Variants in KCNQ3 observed in about 807,000 individuals in gnomAD.
KCNQ3 encodes the protein potassium voltage-gated channel subfamily Q member 3.
Under a neutral mutation model 92.5 loss-of-function variants are expected in KCNQ3, and 30 were observed. The ratio of observed to expected loss-of-function variants is 0.32; its 90% CI spans 0.24 to 0.44. The LOEUF is 0.44. Ranked by LOEUF, KCNQ3 falls within the 20% of genes least tolerant of loss-of-function variation. The probability of loss-of-function intolerance (pLI) is 1.00; values close to 1 mark genes in which losing one functional copy is unlikely to be tolerated. For missense variants in KCNQ3, 913 were observed against 1,140.3 expected (o/e 0.80, Z 2.87); for synonymous variants, 450 against 468.8 (o/e 0.96, Z 0.52).
intron 9 of KCNQ3, among the ~76,000 whole-genome samples, chr8:132,156,028 A>C (rs1825787661): frequency 1.3e-5 from 2 of 152,104 alleles, no homozygotes; most frequent in African/African-American, 4.8e-5. Context: ...AGGATCTATG[A>C]GGATGATTCC....
At chr8:132,446,898 A>G (rs988434408) in intron 1 of KCNQ3, among the ~76,000 whole-genome samples, 2 of 152,260 alleles carry the variant, frequency 1.3e-5, no homozygotes, top group Non-Finnish European at 2.9e-5. Context: ...ACGAATTTAA[A>G]GCCAGAAGCA....
intron 1 of KCNQ3, among the ~76,000 whole-genome samples, chr8:132,279,857 T>C (rs998854586): frequency 6.6e-6 from 1 of 151,858 alleles, no homozygotes; most frequent in African/African-American, 2.4e-5. Context: ...TATATGCGTG[T>C]GTGTGTGTGT....
chr8:132,244,995 C>T (rs73708599), intron 1 of KCNQ3, among the ~76,000 whole-genome samples: 14,269 of 150,060 alleles, frequency 0.095, 736 homozygotes, highest in Admixed American at 0.15. Context: ...TATTTTCAGT[C>T]AGCATTTCTT....
intron 9 of KCNQ3, among the ~76,000 whole-genome samples, chr8:132,151,331 T>A (rs1293598386): frequency 2.0e-5 from 3 of 152,222 alleles, no homozygotes; most frequent in Non-Finnish European, 2.9e-5. Context: ...GTAAGAACAG[T>A]AAAATGTGTT....
chr8:132,355,712 C>A (rs1474525563), intron 1 of KCNQ3, among the ~76,000 whole-genome samples: 2 of 152,184 alleles, frequency 1.3e-5, no homozygotes, highest in African/African-American at 4.8e-5. Context: ...TTTGAACCTG[C>A]CCATCACATG....
intron 1 of KCNQ3, among the ~76,000 whole-genome samples, chr8:132,455,312 G>A (rs796281299): frequency 2.6e-5 from 4 of 152,192 alleles, no homozygotes; most frequent in African/African-American, 9.6e-5. Flanking sequence ...TCACCATGTT[G>A]GCCAGGCTAG....
chr8:132,167,887 A>C (rs927192434), intron 8 of KCNQ3, among the ~76,000 whole-genome samples: 1 of 152,214 alleles, frequency 6.6e-6, no homozygotes, highest in African/African-American at 2.4e-5. Context: ...TTCTTGTTTG[A>C]GTTCAAGGTC....
At chr8:132,368,708 A>C (rs1330953382) in intron 1 of KCNQ3, among the ~76,000 whole-genome samples, 1 of 152,210 alleles carries the variant, frequency 6.6e-6, no homozygotes, top group Non-Finnish European at 1.5e-5. Flanking sequence ...AAAAATAAAA[A>C]ATAGCACTAC....
chr8:132,227,718 A>G (rs1364239704), intron 1 of KCNQ3, among the ~76,000 whole-genome samples: 1 of 152,216 alleles, frequency 6.6e-6, no homozygotes. Context: ...AAAAATCCAT[A>G]GTCCATCTCA....
chr8:132,237,433 G>A (rs750622439), intron 1 of KCNQ3, among the ~76,000 whole-genome samples: 12 of 152,168 alleles, frequency 7.9e-5, no homozygotes, highest in Non-Finnish European at 1.8e-4. Flanking sequence ...TGCAGCTGAA[G>A]ATATTTAGGA....
intron 1 of KCNQ3, among the ~76,000 whole-genome samples, chr8:132,187,774 ATAGTGATGGTGGTGG>A (rs1827025466): frequency 7.8e-6 from 1 of 127,978 alleles, no homozygotes; most frequent in Non-Finnish European, 1.7e-5. Flanking sequence ...GGTGGTAGTG[ATAGTGATGGTGGTGG>A]CGGTGGTGGT....
intron 1 of KCNQ3, among the ~76,000 whole-genome samples, chr8:132,469,570 G>A (rs1162877579): frequency 6.6e-6 from 1 of 152,062 alleles, no homozygotes; most frequent in Non-Finnish European, 1.5e-5. Context: ...TCTAAAAAGG[G>A]TTTTTATTCA....
At chr8:132,257,442 G>T (rs1213219670) in intron 1 of KCNQ3, among the ~76,000 whole-genome samples, 1 of 151,976 alleles carries the variant, frequency 6.6e-6, no homozygotes, top group Non-Finnish European at 1.5e-5. Flanking sequence ...GAAGAATTTA[G>T]AAAAATAAGA....
chr8:132,152,806 G>T (rs936779034), intron 9 of KCNQ3, among the ~76,000 whole-genome samples: 2 of 152,180 alleles, frequency 1.3e-5, no homozygotes, highest in Non-Finnish European at 2.9e-5. Flanking sequence ...CCATGGCTGG[G>T]CTCTGCTTTA....
Position 132,356,064 on chromosome 8 carries a change from T to C in KCNQ3, c.386+124083A>G, listed in dbSNP as rs976979356. 3.9e-5 allele frequency among the ~76,000 whole-genome samples: 6 copies of C among 152,220 alleles called. No homozygotes were observed. In the East Asian group the frequency reaches 1.2e-3, roughly 29 times the overall value. Reference sequence around the variant, plus strand: ...GATAAGCATGCTACTTCTCTGAGCCTCAGTTTTCTCATCTATAAAAATGGT... The same window carrying C: ...GATAAGCATGCTACTTCTCTGAGCCCCAGTTTTCTCATCTATAAAAATGGT... On this transcript the variant is annotated intron_variant, in intron 1 of 14. Transcript: ENST00000388996.
intron 1 of KCNQ3, among the ~76,000 whole-genome samples, chr8:132,245,813 C>T (rs1197566647): frequency 6.6e-6 from 1 of 152,238 alleles, no homozygotes; most frequent in Non-Finnish European, 1.5e-5. Context: ...CATCCTTGTA[C>T]ATGCCTTCCT....
chr8:132,307,101 T>G (rs564643666), intron 1 of KCNQ3, among the ~76,000 whole-genome samples: 28 of 152,296 alleles, frequency 1.8e-4, no homozygotes, highest in African/African-American at 6.7e-4. Context: ...ACTGAGCATA[T>G]AAAGCTGAAA....
At chr8:132,240,951 C>T (rs1301955403) in intron 1 of KCNQ3, among the ~76,000 whole-genome samples, 5 of 151,534 alleles carry the variant, frequency 3.3e-5, no homozygotes, top group Non-Finnish European at 5.9e-5. Context: ...TGCAGTGGCT[C>T]GAACTTGGCT....
In KCNQ3 at chr8:132,192,338, G is replaced by A. The variant is rs1827185525; in HGVS notation, c.387-6157C>T. 2.0e-5 allele frequency among the ~76,000 whole-genome samples: 3 copies of A among 152,190 alleles called. No homozygotes were observed. The South Asian group carries it at 6.2e-4, about 32-fold the overall frequency. ...ACGGAAACCCTCCTTAACCTGAGAAGAGGAAACGCCCCTTAGTTTCTTGCA... is the reference window on the plus strand; with the variant it reads ...ACGGAAACCCTCCTTAACCTGAGAAAAGGAAACGCCCCTTAGTTTCTTGCA... On this transcript the variant is annotated intron_variant, in intron 1 of 14. Coordinates refer to ENST00000388996, the MANE Select transcript of KCNQ3 (RefSeq NM_004519.4).
Sources: gnomAD v4.1 joint callset for allele counts (sites outside exome capture counted in the v4.1 genomes callset) on GRCh38, gnomAD v4.1.1 for gene constraint, MANE v1.5 for transcripts, NCBI Gene and HGNC (gene_info 2026-07-23, HGNC 2026-07-21) for gene names.